CALN1: variants seen among roughly 807,000 people sequenced by gnomAD.
CALN1 encodes calcium-binding protein 8.
Under a neutral mutation model 30.6 loss-of-function variants are expected in CALN1, and 17 were observed. The observed-to-expected ratio is 0.56, with a 90% confidence interval of 0.38 to 0.83. The LOEUF is 0.83. CALN1 is among the 40% of genes least tolerant of loss of function. CALN1 has a pLI of 0.00. For missense variants in CALN1, 291 were observed against 354.9 expected (o/e 0.82, Z 1.45); for synonymous variants, 156 against 131.4 (o/e 1.19, Z -1.28).
chr7:72,403,440 A>C lies in CALN1; in HGVS notation c.-71T>G. ...AAGGAACGTCAGCGAAGGCACTGAG[A>C]CTCTGAAAGGAGTTGACAGAAACTT... On this transcript the variant is annotated splice_region_variant and 5_prime_UTR_variant, in exon 2 of 7. Coordinates refer to ENST00000395275, the MANE Select transcript of CALN1 (RefSeq NM_031468.4). 7.9e-7 allele frequency: 1 copy of C among 1,259,188 alleles called. No individual in the cohort carries two copies. Among genetic ancestry groups the C allele is most frequent in the Non-Finnish European group, 1.1e-6 (1 of 909,484 alleles). 78.0% of individuals were successfully genotyped at this position (1,259,188 alleles called of 1,614,324 possible).
At chr7:72,029,027 A>G (rs955369226) in intron 4 of CALN1, among the ~76,000 whole-genome samples, 11 of 152,202 alleles carry the variant, frequency 7.2e-5, no homozygotes, top group African/African-American at 2.7e-4. Context: ...AGATATAGCT[A>G]TAGAAATCTT....
chr7:71,994,655 A>G (rs1799152749), intron 5 of CALN1, among the ~76,000 whole-genome samples: 1 of 152,110 alleles, frequency 6.6e-6, no homozygotes, highest in Non-Finnish European at 1.5e-5. Context: ...AAAGTTTAAT[A>G]GGCGAAAGAA....
chr7:72,228,749 ATT>A (rs1793866107), intron 3 of CALN1, among the ~76,000 whole-genome samples: 1 of 41,638 alleles, frequency 2.4e-5, no homozygotes, highest in Non-Finnish European at 6.6e-5. Flanking sequence ...ATATTTATTT[ATT>A]TATTTATTTA....
chr7:71,932,085 A>G lies in CALN1; in HGVS notation c.501+91572T>C, dbSNP rs143538271. Among the ~76,000 whole-genome samples, 214 of 152,294 alleles carry G rather than the reference A, an allele frequency of 1.4e-3. 7 individuals carry two copies. The East Asian group carries it at 0.036, about 25-fold the overall frequency. On this transcript the variant is annotated intron_variant, in intron 5 of 6. Coordinates refer to ENST00000395275, the MANE Select transcript of CALN1 (RefSeq NM_031468.4). ...ACCAGCTTTTCTGTTGTGCCACTGG[A>G]GGTAGCCGCCTTGGAGTCCCAGGTT...
intron 2 of CALN1, among the ~76,000 whole-genome samples, chr7:72,372,851 A>G (rs1804326440): frequency 6.6e-6 from 1 of 152,212 alleles, no homozygotes; most frequent in Non-Finnish European, 1.5e-5. Context: ...ATACAACTCT[A>G]AATTCCCAAA....
At chr7:71,828,182 C>T (rs1319202394) in intron 5 of CALN1, among the ~76,000 whole-genome samples, 1 of 152,134 alleles carries the variant, frequency 6.6e-6, no homozygotes, top group Non-Finnish European at 1.5e-5. Context: ...TGATGGGAGC[C>T]TTGACCCCAA....
chr7:72,314,368 TATATACACATATATAC>T (rs1562875476), intron 2 of CALN1, among the ~76,000 whole-genome samples: 3 of 67,622 alleles, frequency 4.4e-5, no homozygotes, highest in Non-Finnish European at 1.5e-4. Context: ...TACATATACA[TATATACACATATATAC>T]ACATATATAT....
chr7:72,014,993 A>C (rs1800296177), intron 5 of CALN1, among the ~76,000 whole-genome samples: 1 of 152,148 alleles, frequency 6.6e-6, no homozygotes, highest in Non-Finnish European at 1.5e-5. Flanking sequence ...CTTATAATCT[A>C]ATAGTATAAG....
intron 6 of CALN1, among the ~76,000 whole-genome samples, chr7:71,794,307 C>T (rs1786755941): frequency 6.6e-6 from 1 of 152,168 alleles, no homozygotes; most frequent in South Asian, 2.1e-4. Context: ...GTGTGGTGGA[C>T]AGAACTGCGA....
intron 4 of CALN1, among the ~76,000 whole-genome samples, chr7:72,064,218 G>A (rs962909622): frequency 2.6e-4 from 40 of 151,654 alleles, no homozygotes; most frequent in African/African-American, 9.0e-4. Flanking sequence ...GGAGGCAGAG[G>A]TTGCAGTGAG....
intron 2 of CALN1, among the ~76,000 whole-genome samples, chr7:72,376,317 G>A (rs537363288): frequency 1.3e-5 from 2 of 152,306 alleles, no homozygotes; most frequent in South Asian, 2.1e-4. Context: ...GGAATGCCAA[G>A]TTGTTTTCCA....
intron 3 of CALN1, among the ~76,000 whole-genome samples, chr7:72,146,426 C>T (rs1411805565): frequency 6.6e-6 from 1 of 152,134 alleles, no homozygotes; most frequent in Non-Finnish European, 1.5e-5. Context: ...GTGAAGACCT[C>T]TTCAAGGAGA....
intron 3 of CALN1, among the ~76,000 whole-genome samples, chr7:72,272,219 C>A (rs1368910062): frequency 6.6e-6 from 1 of 152,102 alleles, no homozygotes; most frequent in Non-Finnish European, 1.5e-5. Flanking sequence ...ATTCTATTCC[C>A]ATACTCAAAA....
intron 4 of CALN1, among the ~76,000 whole-genome samples, chr7:72,076,949 AGTCTTGCTCT>A (rs1804789410): frequency 6.6e-6 from 1 of 151,904 alleles, no homozygotes; most frequent in Admixed American, 6.6e-5. Context: ...TTTGAGACAG[AGTCTTGCTCT>A]GTCACCCTGG....
chr7:71,885,534 G>A (rs1421632087), intron 5 of CALN1, among the ~76,000 whole-genome samples: 2 of 152,198 alleles, frequency 1.3e-5, no homozygotes, highest in African/African-American at 2.4e-5. Context: ...CCGGACCACC[G>A]TGGGCACATG....
intron 5 of CALN1, among the ~76,000 whole-genome samples, chr7:71,911,078 A>G (rs931904705): frequency 6.6e-6 from 1 of 152,170 alleles, no homozygotes; most frequent in Non-Finnish European, 1.5e-5. Flanking sequence ...ATTCATCAGT[A>G]AAATCAAAGT....
At chr7:71,822,270 T>C (rs1311520576) in intron 5 of CALN1, among the ~76,000 whole-genome samples, 1 of 152,162 alleles carries the variant, frequency 6.6e-6, no homozygotes, top group Admixed American at 6.5e-5. Flanking sequence ...TCTTCTGAGA[T>C]GGCGTTTCGC....
At chr7:71,884,456 C>T (rs1313241826) in intron 5 of CALN1, among the ~76,000 whole-genome samples, 1 of 151,750 alleles carries the variant, frequency 6.6e-6, no homozygotes, top group African/African-American at 2.4e-5. Flanking sequence ...CAACAGAAGC[C>T]ACAGACCCTG....
chr7:72,251,352 C>G (rs774077737), intron 3 of CALN1, among the ~76,000 whole-genome samples: 3 of 152,076 alleles, frequency 2.0e-5, no homozygotes, highest in Non-Finnish European at 2.9e-5. Context: ...CTTCCTCTGT[C>G]TGAGCAGTTA....
Sources: gnomAD v4.1 joint callset for allele counts (sites outside exome capture counted in the v4.1 genomes callset) on GRCh38, gnomAD v4.1.1 for gene constraint, MANE v1.5 for transcripts, NCBI Gene and HGNC (gene_info 2026-07-23, HGNC 2026-07-21) for gene names.